FGF14: variants seen among roughly 807,000 people sequenced by gnomAD.
FGF14 encodes the protein fibroblast growth factor 14, also known as fibroblast growth factor homologous factor 4.
A neutral mutation model predicts 25.5 loss-of-function variants in FGF14; 5 were observed. The observed-to-expected ratio is 0.20, with a 90% CI of 0.10 to 0.41. The LOEUF is 0.41. FGF14 is among the 10% of genes least tolerant of loss of function. The pLI is 1.00. For missense variants in FGF14, 222 were observed against 320.1 expected (o/e 0.69, Z 2.34); for synonymous variants, 138 against 118.3 (o/e 1.17, Z -1.08).
At chr13:102,207,519 T>C (rs1297760578) in intron 1 of FGF14, among the ~76,000 whole-genome samples, 1 of 147,502 alleles carries the variant, frequency 6.8e-6, no homozygotes, top group East Asian at 2.0e-4. Flanking sequence ...AGAGTCAAAG[T>C]ATCTGAAAAG....
intron 4 of FGF14, among the ~76,000 whole-genome samples, chr13:101,726,128 CTT>C (rs1341250277): frequency 6.6e-6 from 1 of 151,968 alleles, no homozygotes; most frequent in Non-Finnish European, 1.5e-5. Flanking sequence ...GCTATTATCT[CTT>C]ATTTTTCTGT....
intron 1 of FGF14, among the ~76,000 whole-genome samples, chr13:102,300,431 A>G (rs1421324248): frequency 6.6e-6 from 1 of 152,160 alleles, no homozygotes; most frequent in African/African-American, 2.4e-5. Context: ...AAATTATTCA[A>G]CAGCTGAAAA....
At chr13:102,063,086 T>C (rs1354477948) in intron 1 of FGF14, among the ~76,000 whole-genome samples, 4 of 152,184 alleles carry the variant, frequency 2.6e-5, no homozygotes. Context: ...TCCAAGGGTA[T>C]ATAGATCAGT....
rs529981578 is a variant in FGF14, at chr13:102,294,961, A to G, written c.208+106510T>C. ...TTAATGTTCTCAACTTGAAAATTGAAGTGATTTCATTGTGAATGCTATTAT... is the reference window on the plus strand; with the variant it reads ...TTAATGTTCTCAACTTGAAAATTGAGGTGATTTCATTGTGAATGCTATTAT... On this transcript the variant is annotated intron_variant, in intron 1 of 4. Transcript: ENST00000376131. Among the ~76,000 whole-genome samples, 321 of 152,284 alleles carry G rather than the reference A, an allele frequency of 2.1e-3. 1 individual carries two copies. The highest frequency in any genetic ancestry group is 7.4e-3 in the African/African-American group (306 of 41,572).
chr13:102,257,341 T>TC, intron 1 of FGF14, among the ~76,000 whole-genome samples: 1 of 139,440 alleles, frequency 7.2e-6, no homozygotes, highest in African/African-American at 2.6e-5. Context: ...TCCTTTCTTT[T>TC]CTTTTTTTTT....
chr13:101,811,903 A>G (rs1368791114), intron 3 of FGF14, among the ~76,000 whole-genome samples: 1 of 152,210 alleles, frequency 6.6e-6, no homozygotes, highest in Non-Finnish European at 1.5e-5. Context: ...TCTTGTATGT[A>G]TAAAGTTGGA....
At chr13:102,012,690 T>C (rs538185483) in intron 1 of FGF14, among the ~76,000 whole-genome samples, 1 of 152,286 alleles carries the variant, frequency 6.6e-6, no homozygotes, top group Non-Finnish European at 1.5e-5. Flanking sequence ...CTTGAGTTTT[T>C]GGAGTGTGAC....
intron 1 of FGF14, among the ~76,000 whole-genome samples, chr13:101,908,569 CA>C (rs1390022345): frequency 6.6e-6 from 1 of 151,990 alleles, no homozygotes; most frequent in East Asian, 1.9e-4. Flanking sequence ...AACTACAAAC[CA>C]CTGCTCAATG....
chr13:102,204,123 G>C (rs542111515), intron 1 of FGF14, among the ~76,000 whole-genome samples: 1 of 152,310 alleles, frequency 6.6e-6, no homozygotes, highest in Admixed American at 6.5e-5. Flanking sequence ...ATTTGACTCA[G>C]CTTCAGATTC....
Position 101,843,817 on chromosome 13 carries a change from A to G in FGF14, c.408+24908T>C, listed in dbSNP as rs534478522. ...GAGACAGGGAGGTGAGCATATTGAA[A>G]GACAGTGAAATGCATGTAAAGAGAG... On this transcript the variant is annotated intron_variant, in intron 3 of 4. Coordinates refer to ENST00000376143, the MANE Select transcript of FGF14 (RefSeq NM_004115.4). Among the ~76,000 whole-genome samples, 4 of 152,112 alleles carry G rather than the reference A, an allele frequency of 2.6e-5. No homozygotes were observed. In the East Asian group the frequency reaches 7.8e-4, roughly 30 times the overall value.
intron 1 of FGF14, among the ~76,000 whole-genome samples, chr13:102,309,408 T>C (rs2055604657): frequency 6.6e-6 from 1 of 152,150 alleles, no homozygotes; most frequent in Admixed American, 6.5e-5. Context: ...GACGGGGCTA[T>C]CAGCCTGCAC....
intron 1 of FGF14, among the ~76,000 whole-genome samples, chr13:102,244,132 G>A (rs1292548268): frequency 6.6e-6 from 1 of 152,036 alleles, no homozygotes; most frequent in Non-Finnish European, 1.5e-5. Context: ...AACGCGGTCT[G>A]TATTCTCCAT....
intron 4 of FGF14, among the ~76,000 whole-genome samples, chr13:101,724,668 T>C (rs1234247907): frequency 2.6e-5 from 1 of 38,634 alleles, no homozygotes. Flanking sequence ...TACCAATAAT[T>C]AACCAGGTAC....
chr13:102,398,897 A>AT (rs1555411564), intron 1 of FGF14, among the ~76,000 whole-genome samples: 39 of 147,260 alleles, frequency 2.6e-4, no homozygotes, highest in African/African-American at 8.6e-4. Context: ...TATAATATAT[A>AT]ATATATATAT....
intron 1 of FGF14, among the ~76,000 whole-genome samples, chr13:102,060,859 A>T (rs542397930): frequency 1.3e-5 from 2 of 152,114 alleles, no homozygotes; most frequent in Non-Finnish European, 2.9e-5. Context: ...TCACGCTCCC[A>T]TTCTGTGTCT....
Position 102,034,119 on chromosome 13 carries a change from G to A in FGF14, c.209-158823C>T, listed in dbSNP as rs560217715. Reference sequence around the variant, plus strand: ...GGAAAGGAGAAGACTGCATAATGTGGCAGCAATACAAAAGGAGAGAATGTT... The same window carrying A: ...GGAAAGGAGAAGACTGCATAATGTGACAGCAATACAAAAGGAGAGAATGTT... On this transcript the variant is annotated intron_variant, in intron 1 of 4. Transcript: ENST00000376131. 1.5e-4 allele frequency among the ~76,000 whole-genome samples: 23 copies of A among 152,166 alleles called. No individual in the cohort carries two copies. The South Asian group carries it at 4.1e-3, about 27-fold the overall frequency.
chr13:102,121,826 T>C (rs1217317257), intron 1 of FGF14, among the ~76,000 whole-genome samples: 1 of 152,234 alleles, frequency 6.6e-6, no homozygotes, highest in Non-Finnish European at 1.5e-5. Flanking sequence ...AATCAAAGGT[T>C]TGTCTCATCT....
chr13:101,843,212 T>TA (rs2043277713), intron 3 of FGF14, among the ~76,000 whole-genome samples: 1 of 152,040 alleles, frequency 6.6e-6, no homozygotes, highest in African/African-American at 2.4e-5. Context: ...TTAACACAGG[T>TA]AACAGATCTA....
chr13:102,254,428 T>A (rs921815279), intron 1 of FGF14, among the ~76,000 whole-genome samples: 1 of 152,100 alleles, frequency 6.6e-6, no homozygotes, highest in Non-Finnish European at 1.5e-5. Flanking sequence ...ATAGTTGGGT[T>A]TACAGGAGCT....
Sources: allele counts gnomAD v4.1 joint callset (sites outside exome capture counted in the v4.1 genomes callset), GRCh38; gene constraint gnomAD v4.1.1; transcripts MANE v1.5; gene names NCBI Gene and HGNC (gene_info 2026-07-23, HGNC 2026-07-21).